Variants in SATB2 observed in about 807,000 individuals in gnomAD.
SATB2 encodes the protein DNA-binding protein SATB2.
Under a neutral mutation model 73.4 loss-of-function variants are expected in SATB2, and 1 was observed. The ratio of observed to expected loss-of-function variants is 0.01; its 90% CI spans 0.00 to 0.06. The LOEUF (loss-of-function observed/expected upper bound fraction) is 0.06. Ranked by LOEUF, SATB2 falls within the 10% of genes least tolerant of loss-of-function variation. The pLI is 1.00. For missense variants in SATB2, 459 were observed against 945.8 expected (o/e 0.49, Z 6.75); for synonymous variants, 397 against 367.0 (o/e 1.08, Z -0.93).
intron 10 of SATB2, among the ~76,000 whole-genome samples, chr2:199,288,488 G>C (rs920698463): frequency 6.6e-6 from 1 of 152,188 alleles, no homozygotes; most frequent in African/African-American, 2.4e-5. Flanking sequence ...AGCCTCACAT[G>C]AGGCTATTTA....
chr2:199,407,214 A>G (rs1035910798), intron 3 of SATB2, among the ~76,000 whole-genome samples: 1 of 142,630 alleles, frequency 7.0e-6, no homozygotes, highest in Non-Finnish European at 1.5e-5. Flanking sequence ...TGAACCCGGG[A>G]GGCAGAGGTT....
intron 5 of SATB2, among the ~76,000 whole-genome samples, chr2:199,373,140 G>A (rs903803131): frequency 6.6e-6 from 1 of 152,134 alleles, no homozygotes; most frequent in African/African-American, 2.4e-5. Context: ...TATTCTGTCA[G>A]TGAGAATCCC....
chr2:199,428,852 A>C (rs1200649274), intron 3 of SATB2, among the ~76,000 whole-genome samples: 2 of 152,186 alleles, frequency 1.3e-5, no homozygotes, highest in Non-Finnish European at 2.9e-5. Context: ...TACAAAAAAT[A>C]AAGTAAAAAT....
At chr2:199,399,331 T>C (rs1364038455) in intron 3 of SATB2, among the ~76,000 whole-genome samples, 2 of 152,170 alleles carry the variant, frequency 1.3e-5, no homozygotes, top group African/African-American at 4.8e-5. Flanking sequence ...AAGAAATTCA[T>C]GTTTGATCAG....
chr2:199,320,721 A>C (rs1246075749), intron 9 of SATB2, among the ~76,000 whole-genome samples: 1 of 152,076 alleles, frequency 6.6e-6, no homozygotes, highest in Non-Finnish European at 1.5e-5. Flanking sequence ...GTTCCTACTT[A>C]AACACTTACA....
At position 199,348,553 on chromosome 2, in the gene SATB2, T is replaced by C. The variant is rs760063182; in HGVS notation, c.1173+148A>G. 1.0e-4 allele frequency: 74 copies of C among 713,328 alleles called. 1 individual carries two copies. The highest frequency in any genetic ancestry group is 9.2e-4 in the South Asian group (58 of 63,238). 44.2% of individuals were successfully genotyped at this position (713,328 alleles called of 1,614,324 possible). On this transcript the variant is annotated intron_variant, in intron 7 of 10. Coordinates refer to ENST00000417098, the MANE Select transcript of SATB2 (RefSeq NM_001172509.2). ...ATGGTCATGCATGGATCAATGGTAA[T>C]AGCGTTTCATTAACTAAGGATTATT...
intron 10 of SATB2, among the ~76,000 whole-genome samples, chr2:199,280,243 T>C (rs1281645762): frequency 6.6e-6 from 1 of 152,224 alleles, no homozygotes; most frequent in African/African-American, 2.4e-5. Context: ...ACCCTTGTGA[T>C]TTCCTATGCC....
chr2:199,428,802 C>G (rs1466701609), intron 3 of SATB2, among the ~76,000 whole-genome samples: 2 of 151,948 alleles, frequency 1.3e-5, no homozygotes, highest in Non-Finnish European at 2.9e-5. Flanking sequence ...GAGGCTGAAG[C>G]AGGAGAATCA....
Position 199,372,569 on chromosome 2 carries a change from C to T in SATB2, c.598-3862G>A, listed in dbSNP as rs1689481577. ...CCCAGAAACTCAGAATAAAAAGCAT[C>T]TTTCCCAAAGTCAAATAGCACTGGG... On this transcript the variant is annotated intron_variant, in intron 5 of 10. Transcript: ENST00000417098. Among the ~76,000 whole-genome samples, 3 of 152,122 alleles carry T rather than the reference C, an allele frequency of 2.0e-5. No individual in the cohort carries two copies. The South Asian group carries it at 6.2e-4, about 31-fold the overall frequency.
intron 6 of SATB2, among the ~76,000 whole-genome samples, chr2:199,365,732 T>C (rs1271488642): frequency 1.3e-5 from 2 of 152,158 alleles, no homozygotes; most frequent in African/African-American, 2.4e-5. Flanking sequence ...AAATTATTGA[T>C]TGTTCATTTT....
chr2:199,333,539 G>A (rs768672676), intron 7 of SATB2, among the ~76,000 whole-genome samples: 1 of 152,072 alleles, frequency 6.6e-6, no homozygotes, highest in African/African-American at 2.4e-5. Context: ...GCAAGCACAT[G>A]GGTACTCCAG....
chr2:199,448,542 T>C (rs1445239599), intron 2 of SATB2, among the ~76,000 whole-genome samples: 1 of 152,194 alleles, frequency 6.6e-6, no homozygotes, highest in Non-Finnish European at 1.5e-5. Flanking sequence ...ATTCACGCTG[T>C]TTCTACGACA....
chr2:199,397,824 G>T (rs1434185084), intron 3 of SATB2: 12 of 401,820 alleles, frequency 3.0e-5, no homozygotes, highest in Non-Finnish European at 5.4e-5. Flanking sequence ...AGGAGGCAGG[G>T]TTTGCTGCTC....
At chr2:199,402,368 G>C (rs1690508783) in intron 3 of SATB2, among the ~76,000 whole-genome samples, 2 of 152,218 alleles carry the variant, frequency 1.3e-5, no homozygotes, top group South Asian at 2.1e-4. Context: ...CTGGGTGACA[G>C]AGCGAGACTC....
At chr2:199,441,010 G>A (rs1042703444) in intron 2 of SATB2, among the ~76,000 whole-genome samples, 5 of 151,894 alleles carry the variant, frequency 3.3e-5, no homozygotes, top group African/African-American at 7.3e-5. Flanking sequence ...CACCGTGCCC[G>A]GCTAATTTTG....
intron 3 of SATB2, among the ~76,000 whole-genome samples, chr2:199,382,942 T>A (rs1689822807): frequency 6.6e-6 from 1 of 152,156 alleles, no homozygotes; most frequent in Admixed American, 6.5e-5. Flanking sequence ...CAAGTGAACT[T>A]TTAAGAGCCT....
At chr2:199,411,330 G>A (rs1005640874) in intron 3 of SATB2, among the ~76,000 whole-genome samples, 5 of 152,076 alleles carry the variant, frequency 3.3e-5, no homozygotes, top group African/African-American at 1.2e-4. Context: ...ATCTATGCAT[G>A]ACGATCCCCC....
At chr2:199,428,343 G>A (rs912907876) in intron 3 of SATB2, among the ~76,000 whole-genome samples, 1 of 152,138 alleles carries the variant, frequency 6.6e-6, no homozygotes, top group Non-Finnish European at 1.5e-5. Flanking sequence ...TCAAAGAAAT[G>A]AAATATATAA....
In SATB2 at chr2:199,432,918, AT is replaced by A. The variant is rs903358587; in HGVS notation, c.346+419del. ...AGAAACAAAAGGATAAAAGACATCC[AT>A]TTTTTTTTCTGTTTAATTAAAAGCT... On this transcript the variant is annotated intron_variant, in intron 3 of 10. Transcript: ENST00000417098. 4.0e-5 allele frequency among the ~76,000 whole-genome samples: 6 copies of A among 151,530 alleles called. No individual in the cohort carries two copies. In the South Asian group the frequency reaches 6.3e-4, roughly 16 times the overall value.
Sources: gnomAD v4.1 joint callset for allele counts (sites outside exome capture counted in the v4.1 genomes callset) on GRCh38, gnomAD v4.1.1 for gene constraint, MANE v1.5 for transcripts, NCBI Gene and HGNC (gene_info 2026-07-23, HGNC 2026-07-21) for gene names.